The following NOL4 variants were observed in gnomAD, a reference collection of about 807,000 sequenced individuals.
NOL4 encodes the protein nucleolar protein 4.
In NOL4, 17 loss-of-function variants were observed where a neutral mutation model predicts 75.9. The observed-to-expected ratio is 0.22, with a 90% confidence interval of 0.15 to 0.34. The LOEUF (loss-of-function observed/expected upper bound fraction) is 0.34. Ranked by LOEUF, NOL4 falls within the 10% of genes least tolerant of loss-of-function variation. The probability of loss-of-function intolerance (pLI) is 1.00; values close to 1 mark genes in which losing one functional copy is unlikely to be tolerated. For synonymous variants in NOL4, 292 were observed against 289.9 expected (o/e 1.01, Z -0.07); for missense variants, 614 against 793.5 (o/e 0.77, Z 2.72).
chr18:34,093,535 C>G lies in NOL4; in HGVS notation c.702G>C (p.Val234=). Residue 234 remains valine (V), a synonymous_variant, in exon 5 of 11, where the codon GTG becomes GTC. Transcript: ENST00000261592. ...DMSDSTRMSA[V]NSDLSSNLEE... is the part of the protein sequence containing the mutation. Reference sequence around the variant, plus strand: ...CAAGATTGGAGCTAAGATCAGAGTTCACAGCTGACATCCGTGTTGAATCAC... The same window carrying G: ...CAAGATTGGAGCTAAGATCAGAGTTGACAGCTGACATCCGTGTTGAATCAC... The G allele has an allele frequency of 6.2e-7, 1 of 1,609,448 alleles. No homozygotes were observed. Among genetic ancestry groups the G allele is most frequent in the Non-Finnish European group, 8.5e-7 (1 of 1,177,106 alleles).
rs1343602368 is a variant in NOL4, at chr18:33,942,407, CA to C, written c.1542+657del. On this transcript the variant is annotated intron_variant, in intron 9 of 10. Coordinates refer to ENST00000261592, the MANE Select transcript of NOL4 (RefSeq NM_003787.5). ...GATGAGAAGGAGAAACAGAAATATACAGATAACCCAAGGGAAAGACTGAGGG... is the reference window on the plus strand; with the variant it reads ...GATGAGAAGGAGAAACAGAAATATACGATAACCCAAGGGAAAGACTGAGGG... Among the ~76,000 whole-genome samples the C allele has an allele frequency of 1.3e-4, 19 of 151,640 alleles. No individual in the cohort carries two copies. The Admixed American group carries it at 1.3e-3, about 10-fold the overall frequency.
intron 2 of NOL4, among the ~76,000 whole-genome samples, chr18:34,126,366 C>T (rs920527450): frequency 4.6e-4 from 70 of 152,244 alleles, no homozygotes; most frequent in African/African-American, 1.6e-3. Flanking sequence ...AGCATATGTT[C>T]TCCACTCCTG....
At chr18:34,098,595 T>C (rs2078898057) in intron 4 of NOL4, among the ~76,000 whole-genome samples, 1 of 152,238 alleles carries the variant, frequency 6.6e-6, no homozygotes, top group Non-Finnish European at 1.5e-5. Flanking sequence ...AAATCATTTT[T>C]GTATTAAGAC....
chr18:33,975,292 T>C (rs1301178112), intron 6 of NOL4, among the ~76,000 whole-genome samples: 1 of 152,144 alleles, frequency 6.6e-6, no homozygotes, highest in African/African-American at 2.4e-5. Flanking sequence ...ATAGTTAAGA[T>C]GCTAAAATTA....
At chr18:34,013,671 G>A (rs377162502) in intron 6 of NOL4, among the ~76,000 whole-genome samples, 4 of 151,900 alleles carry the variant, frequency 2.6e-5, no homozygotes, top group East Asian at 3.9e-4. Context: ...TAACCAATGA[G>A]AATTAACTCA....
At chr18:33,917,284 T>C (rs2066778266) in intron 9 of NOL4, among the ~76,000 whole-genome samples, 1 of 152,000 alleles carries the variant, frequency 6.6e-6, no homozygotes, top group Non-Finnish European at 1.5e-5. Context: ...AGAGTTTCAG[T>C]AAAATTTTGA....
At chr18:34,134,491 CACACAT>C (rs1350045357) in intron 1 of NOL4, among the ~76,000 whole-genome samples, 2 of 132,588 alleles carry the variant, frequency 1.5e-5, no homozygotes, top group Non-Finnish European at 3.4e-5. Flanking sequence ...CACACACACA[CACACAT>C]TGATGAAGCA....
intron 6 of NOL4, among the ~76,000 whole-genome samples, chr18:33,999,855 T>C (rs953516700): frequency 6.6e-6 from 1 of 152,224 alleles, no homozygotes; most frequent in African/African-American, 2.4e-5. Flanking sequence ...GGTTTCACCA[T>C]GTTGGCCTGG....
At chr18:34,088,513 G>A (rs2078351970) in intron 5 of NOL4, among the ~76,000 whole-genome samples, 1 of 152,034 alleles carries the variant, frequency 6.6e-6, no homozygotes, top group South Asian at 2.1e-4. Flanking sequence ...TTTGAAGGAT[G>A]CCTTTAGCTG....
At chr18:34,023,963 A>G (rs903808019) in intron 5 of NOL4, among the ~76,000 whole-genome samples, 1 of 151,750 alleles carries the variant, frequency 6.6e-6, no homozygotes, top group African/African-American at 2.4e-5. Context: ...TTTGTAGAAA[A>G]GTGGTTTCAT....
Position 34,156,613 on chromosome 18 carries a change from TAAAGAC to T in NOL4, c.265-26599_265-26594del, listed in dbSNP as rs1484991462. Reference sequence around the variant, plus strand: ...GAGACTGACACACAATAGTGAGTGATAAAGACAAAAGATCACTGAAAATACCTCACG... The same window carrying T: ...GAGACTGACACACAATAGTGAGTGATAAAAGATCACTGAAAATACCTCACG... On this transcript the variant is annotated intron_variant, in intron 1 of 10. Transcript: ENST00000261592. The T allele has an allele frequency of 2.0e-5, 3 of 152,208 alleles. No homozygotes were observed. In the East Asian group the frequency reaches 5.8e-4, roughly 29 times the overall value. The allele number at this position is 152,208 out of a possible 1,614,324, so 9.4% of individuals were successfully genotyped here. A position where few individuals can be genotyped will look rare whatever the true frequency, so the allele number is the denominator to read the frequency against.
chr18:33,963,413 C>T (rs1399486855), intron 6 of NOL4, among the ~76,000 whole-genome samples: 1 of 152,124 alleles, frequency 6.6e-6, no homozygotes, highest in Non-Finnish European at 1.5e-5. Context: ...TATAGGTCTC[C>T]AAATAACCCA....
intron 1 of NOL4, among the ~76,000 whole-genome samples, chr18:34,139,453 G>C (rs1415407802): frequency 1.1e-4 from 16 of 152,140 alleles, no homozygotes; most frequent in African/African-American, 3.9e-4. Flanking sequence ...AGATTTTCTA[G>C]TTTATTTGCA....
intron 6 of NOL4, among the ~76,000 whole-genome samples, chr18:33,969,070 A>G (rs1308980811): frequency 2.0e-5 from 3 of 152,168 alleles, no homozygotes; most frequent in South Asian, 4.1e-4. Flanking sequence ...AGTTCCTTTC[A>G]TGTCTGAACC....
intron 9 of NOL4, among the ~76,000 whole-genome samples, chr18:33,941,895 C>T (rs1421504534): frequency 6.6e-6 from 1 of 151,908 alleles, no homozygotes; most frequent in Admixed American, 6.6e-5. Flanking sequence ...AAACTCCTAA[C>T]AGAGGGCACA....
chr18:33,934,818 G>A (rs1036951876), intron 9 of NOL4, among the ~76,000 whole-genome samples: 1 of 150,990 alleles, frequency 6.6e-6, no homozygotes, highest in African/African-American at 2.4e-5. Flanking sequence ...CAGTAATAAG[G>A]CCGTTTTGCT....
At chr18:33,876,685 AG>A in intron 10 of NOL4, among the ~76,000 whole-genome samples, 1 of 152,252 alleles carries the variant, frequency 6.6e-6, no homozygotes, top group South Asian at 2.1e-4. Flanking sequence ...CATTTTAAAA[AG>A]TCAGAACATT....
At chr18:34,086,160 A>G (rs909790709) in intron 5 of NOL4, among the ~76,000 whole-genome samples, 6 of 148,284 alleles carry the variant, frequency 4.0e-5, no homozygotes, top group African/African-American at 1.0e-4. Flanking sequence ...TGAATTAAGA[A>G]AAAAGAGCAG....
chr18:33,898,176 G>A (rs559837803), intron 9 of NOL4, among the ~76,000 whole-genome samples: 1 of 152,146 alleles, frequency 6.6e-6, no homozygotes, highest in African/African-American at 2.4e-5. Flanking sequence ...GCCTCCCAAA[G>A]TGCTAGGATT....
Sources: gnomAD v4.1 joint callset for allele counts (sites outside exome capture counted in the v4.1 genomes callset) on GRCh38, gnomAD v4.1.1 for gene constraint, MANE v1.5 for transcripts, NCBI Gene and HGNC (gene_info 2026-07-23, HGNC 2026-07-21) for gene names.